The following METTL15 variants were observed in gnomAD, a reference collection of about 807,000 sequenced individuals.
The protein encoded by METTL15 is methyltransferase 15, mitochondrial 12S rRNA N4-cytidine, also known as 12S rRNA N(4)-cytidine methyltransferase METTL15.
In METTL15, 34 loss-of-function variants were observed where a neutral mutation model predicts 38.3. The ratio of observed to expected loss-of-function variants is 0.89; its 90% CI spans 0.68 to 1.18. The LOEUF (loss-of-function observed/expected upper bound fraction) is 1.18. Among genes scored for constraint, METTL15 ranks in the 50% most tolerant of loss-of-function variants. The pLI is 0.00. For missense variants in METTL15, 438 were observed against 498.4 expected (o/e 0.88, Z 1.15); for synonymous variants, 162 against 170.9 (o/e 0.95, Z 0.41).
chr11:28,170,240 C>T lies in METTL15; in HGVS notation c.271-40822C>T, dbSNP rs60446697. Among the ~76,000 whole-genome samples the T allele has an allele frequency of 5.6e-3, 845 of 152,242 alleles. 10 individuals carry two copies. Among genetic ancestry groups the T allele is most frequent in the African/African-American group, 0.018 (759 of 41,534 alleles). On this transcript the variant is annotated intron_variant, in intron 3 of 6. Coordinates refer to ENST00000407364, the MANE Select transcript of METTL15 (RefSeq NM_001113528.2). Reference sequence around the variant, plus strand: ...GACTTGGACTTAATTGCTTTCATTTCATTTTCTCTGACCTCTGCTGTGCCT... The same window carrying T: ...GACTTGGACTTAATTGCTTTCATTTTATTTTCTCTGACCTCTGCTGTGCCT...
chr11:28,152,954 G>A (rs944454921), intron 3 of METTL15, among the ~76,000 whole-genome samples: 1 of 152,030 alleles, frequency 6.6e-6, no homozygotes, highest in Non-Finnish European at 1.5e-5. Context: ...ACCATATAGG[G>A]TAACTTCATG....
chr11:28,413,784 T>G (rs545799592), intron 5 of METTL15, among the ~76,000 whole-genome samples: 46 of 152,308 alleles, frequency 3.0e-4, no homozygotes, highest in African/African-American at 1.1e-3. Flanking sequence ...ACTACTCACT[T>G]AGACATTGTT....
chr11:28,474,035 C>T (rs1393758389), intron 6 of METTL15, among the ~76,000 whole-genome samples: 1 of 151,908 alleles, frequency 6.6e-6, no homozygotes, highest in African/African-American at 2.4e-5. Context: ...CCTATCTATT[C>T]TCCCAGTAGC....
chr11:28,261,710 G>A (rs1006760922), intron 4 of METTL15, among the ~76,000 whole-genome samples: 4 of 152,024 alleles, frequency 2.6e-5, no homozygotes, highest in South Asian at 2.1e-4. Flanking sequence ...CTTCTTTTAC[G>A]TTTTCTAGAG....
At chr11:28,441,232 G>A (rs920020725) in intron 6 of METTL15, among the ~76,000 whole-genome samples, 10 of 151,750 alleles carry the variant, frequency 6.6e-5, no homozygotes, top group Non-Finnish European at 1.2e-4. Flanking sequence ...CTACAAGCAC[G>A]TGCCCAGCTA....
At chr11:28,271,339 C>G (rs1375613875) in intron 4 of METTL15, among the ~76,000 whole-genome samples, 1 of 152,128 alleles carries the variant, frequency 6.6e-6, no homozygotes, top group Non-Finnish European at 1.5e-5. Flanking sequence ...TTTGTCGTTG[C>G]TCTTTTTTAA....
At chr11:28,350,142 G>T (rs1055953636) in intron 3 of METTL15, among the ~76,000 whole-genome samples, 1 of 151,986 alleles carries the variant, frequency 6.6e-6, no homozygotes, top group African/African-American at 2.4e-5. Flanking sequence ...GTGCTCTAGG[G>T]CCTGTAGACA....
At chr11:28,317,500 G>A (rs931800379) in intron 6 of METTL15, among the ~76,000 whole-genome samples, 2 of 151,902 alleles carry the variant, frequency 1.3e-5, no homozygotes, top group Non-Finnish European at 2.9e-5. Context: ...AGGGGGAATT[G>A]CAGTGCATCA....
intron 4 of METTL15, among the ~76,000 whole-genome samples, chr11:28,240,000 C>G (rs1007407845): frequency 1.3e-5 from 2 of 152,046 alleles, no homozygotes; most frequent in Non-Finnish European, 2.9e-5. Flanking sequence ...ATACCTATAA[C>G]AGTTGCTGGC....
chr11:28,350,963 A>G (rs1224215044), intron 3 of METTL15, among the ~76,000 whole-genome samples: 2 of 152,134 alleles, frequency 1.3e-5, no homozygotes, highest in Non-Finnish European at 1.5e-5. Context: ...ACTCTCCCAT[A>G]TTGTACCTGG....
intron 5 of METTL15, among the ~76,000 whole-genome samples, chr11:28,364,958 GC>G (rs1850172064): frequency 6.6e-6 from 1 of 152,122 alleles, no homozygotes; most frequent in Non-Finnish European, 1.5e-5. Context: ...TTTTTGATGA[GC>G]TTTTGTGGTG....
intron 3 of METTL15, among the ~76,000 whole-genome samples, chr11:28,147,182 C>G (rs996811407): frequency 1.2e-4 from 18 of 151,874 alleles, no homozygotes; most frequent in African/African-American, 4.3e-4. Context: ...TCCAGCATCT[C>G]TGAGATGGGA....
chr11:28,518,599 G>T (rs1276385501), intron 6 of METTL15, among the ~76,000 whole-genome samples: 1 of 152,148 alleles, frequency 6.6e-6, no homozygotes, highest in East Asian at 1.9e-4. Context: ...TTTGCCTAGG[G>T]GTTAGCCATG....
intron 4 of METTL15, among the ~76,000 whole-genome samples, chr11:28,211,715 ATAT>A (rs1852649871): frequency 6.6e-6 from 1 of 152,052 alleles, no homozygotes. Context: ...AAAATATAAA[ATAT>A]TATATGAATG....
intron 3 of METTL15, among the ~76,000 whole-genome samples, chr11:28,151,092 C>T (rs979227842): frequency 7.3e-5 from 11 of 150,034 alleles, no homozygotes; most frequent in South Asian, 6.3e-4. Flanking sequence ...TTCATTGGGA[C>T]GAATTGTTTT....
At chr11:28,528,857 A>G (rs1233060433), downstream of METTL15, among the ~76,000 whole-genome samples, 3 of 152,226 alleles carry the variant, frequency 2.0e-5, no homozygotes, top group Admixed American at 2.0e-4. Context: ...ATTCTGAAGC[A>G]GAAATATTGT....
chr11:28,231,946 A>G (rs1024605621), intron 4 of METTL15, among the ~76,000 whole-genome samples: 28 of 151,830 alleles, frequency 1.8e-4, no homozygotes, highest in African/African-American at 6.8e-4. Flanking sequence ...TACATACTCA[A>G]TATCATATGG....
At chr11:28,398,838 T>C (rs1194347531) in intron 5 of METTL15, 1 of 151,972 alleles carries the variant, frequency 6.6e-6, no homozygotes, top group South Asian at 2.1e-4. Context: ...TGCTCATGTA[T>C]AGAAAGAATC....
intron 4 of METTL15, among the ~76,000 whole-genome samples, chr11:28,240,730 T>C (rs905621644): frequency 8.5e-5 from 13 of 152,174 alleles, no homozygotes; most frequent in African/African-American, 3.1e-4. Context: ...AAATTTAACT[T>C]GAATCGGTCT....
Sources: allele counts gnomAD v4.1 joint callset (sites outside exome capture counted in the v4.1 genomes callset), GRCh38; gene constraint gnomAD v4.1.1; transcripts MANE v1.5; gene names NCBI Gene and HGNC (gene_info 2026-07-23, HGNC 2026-07-21).